OCA2: variants seen among roughly 807,000 people sequenced by gnomAD.
The protein encoded by OCA2 is P protein.
Under a neutral mutation model 100.2 loss-of-function variants are expected in OCA2, and 77 were observed. The ratio of observed to expected loss-of-function variants is 0.77; its 90% CI spans 0.64 to 0.93. The LOEUF (loss-of-function observed/expected upper bound fraction) is 0.93. Ranked by LOEUF, OCA2 falls within the 40% of genes least tolerant of loss-of-function variation. The pLI, the probability that OCA2 is intolerant of heterozygous loss-of-function variation, is 0.00. For synonymous variants in OCA2, 432 were observed against 439.2 expected, an observed-to-expected ratio of 0.98 and a Z score of 0.21; for missense variants, 1,062 against 1,089.1, an observed-to-expected ratio of 0.98 and a Z score of 0.35.
chr15:28,097,030 G>C (rs1205354816), intron 1 of OCA2, among the ~76,000 whole-genome samples: 2 of 152,194 alleles, frequency 1.3e-5, no homozygotes, highest in Non-Finnish European at 2.9e-5. Context: ...TTGGCCCGGC[G>C]CTGTGCCGCT....
intron 19 of OCA2, among the ~76,000 whole-genome samples, chr15:27,903,300 G>A (rs1208052920): frequency 1.3e-5 from 2 of 152,122 alleles, no homozygotes; most frequent in African/African-American, 2.4e-5. Flanking sequence ...CCCCAAGCCC[G>A]CCACGGCGGT....
chr15:28,093,349 G>A (rs1409051599), intron 1 of OCA2, among the ~76,000 whole-genome samples: 2 of 151,772 alleles, frequency 1.3e-5, no homozygotes, highest in Admixed American at 6.6e-5. Context: ...TTGAAACCAG[G>A]AGGTGGAAGT....
At chr15:28,072,739 C>T (rs572515649) in intron 2 of OCA2, among the ~76,000 whole-genome samples, 2 of 152,062 alleles carry the variant, frequency 1.3e-5, no homozygotes, top group African/African-American at 4.8e-5. Context: ...AAATTAAAAC[C>T]ACAATGAGAT....
At chr15:28,087,075 T>C (rs1184354208) in intron 1 of OCA2, among the ~76,000 whole-genome samples, 1 of 152,134 alleles carries the variant, frequency 6.6e-6, no homozygotes, top group African/African-American at 2.4e-5. Context: ...ACCTACAGAT[T>C]TGAGAAGCTG....
chr15:28,071,551 G>A (rs189158121), intron 2 of OCA2, among the ~76,000 whole-genome samples: 68 of 152,270 alleles, frequency 4.5e-4, no homozygotes, highest in Admixed American at 3.9e-3. Context: ...AAACAGCTTG[G>A]TATGGGCACA....
intron 21 of OCA2, among the ~76,000 whole-genome samples, chr15:27,860,456 C>T (rs2036089919): frequency 6.6e-6 from 1 of 152,222 alleles, no homozygotes; most frequent in African/African-American, 2.4e-5. Flanking sequence ...TCATCCCTCA[C>T]TCCTCCCTTC....
chr15:27,818,925 G>A (rs545866262), intron 23 of OCA2, among the ~76,000 whole-genome samples: 1 of 152,140 alleles, frequency 6.6e-6, no homozygotes, highest in African/African-American at 2.4e-5. Context: ...TACTGCATGT[G>A]CAGGTGTCGC....
intron 22 of OCA2, among the ~76,000 whole-genome samples, chr15:27,850,280 G>T (rs2035698839): frequency 6.6e-6 from 1 of 152,162 alleles, no homozygotes; most frequent in African/African-American, 2.4e-5. Flanking sequence ...GGACGTGTCA[G>T]TCTATGCTGT....
At chr15:28,001,673 T>C (rs1003430320) in intron 9 of OCA2, among the ~76,000 whole-genome samples, 4 of 151,930 alleles carry the variant, frequency 2.6e-5, no homozygotes, top group Admixed American at 1.3e-4. Context: ...AACTTCCAAA[T>C]GACTTGGACA....
intron 23 of OCA2, among the ~76,000 whole-genome samples, chr15:27,768,662 A>G (rs1193799574): frequency 6.6e-6 from 1 of 152,196 alleles, no homozygotes; most frequent in Non-Finnish European, 1.5e-5. Flanking sequence ...GGACTCGAAT[A>G]AACTTTATAT....
At chr15:27,858,089 T>C (rs901982351) in intron 21 of OCA2, among the ~76,000 whole-genome samples, 3 of 151,588 alleles carry the variant, frequency 2.0e-5, no homozygotes, top group African/African-American at 7.3e-5. Flanking sequence ...AAGAAATACA[T>C]GGCAGAGTAA....
chr15:27,732,372 C>T, the OCA2 span, among the ~76,000 whole-genome samples: 2 of 152,294 alleles, frequency 1.3e-5, no homozygotes, highest in South Asian at 2.1e-4. Flanking sequence ...AAGAGAGCCC[C>T]TCTGTTGAGA....
At chr15:28,056,611 C>G (rs752162462) in intron 2 of OCA2, among the ~76,000 whole-genome samples, 1 of 152,238 alleles carries the variant, frequency 6.6e-6, no homozygotes, top group South Asian at 2.1e-4. Flanking sequence ...AAAACTGAGT[C>G]GTTAGGAAAG....
At chr15:27,764,937 C>G (rs2031137372) in intron 23 of OCA2, among the ~76,000 whole-genome samples, 1 of 152,174 alleles carries the variant, frequency 6.6e-6, no homozygotes, top group South Asian at 2.1e-4. Flanking sequence ...ATACGTGTAG[C>G]TATTTCTTGA....
the OCA2 span, among the ~76,000 whole-genome samples, chr15:27,748,688 T>G: frequency 6.6e-6 from 1 of 152,208 alleles, no homozygotes; most frequent in African/African-American, 2.4e-5. Flanking sequence ...GACAATCAAC[T>G]GATGCCAACA....
intron 9 of OCA2, among the ~76,000 whole-genome samples, chr15:28,009,721 CACACACAA>C (rs1223145479): frequency 7.1e-4 from 105 of 147,844 alleles, no homozygotes; most frequent in African/African-American, 2.5e-3. Context: ...CACACACACA[CACACACAA>C]AGTCAACAAA....
chr15:27,948,710 C>T (rs1352011671), intron 18 of OCA2, among the ~76,000 whole-genome samples: 4 of 152,184 alleles, frequency 2.6e-5, no homozygotes, highest in African/African-American at 7.2e-5. Flanking sequence ...AAGCAATCCA[C>T]CCTCCTCGGC....
At chr15:27,782,448 G>A (rs1005056473) in intron 23 of OCA2, among the ~76,000 whole-genome samples, 1 of 152,122 alleles carries the variant, frequency 6.6e-6, no homozygotes, top group African/African-American at 2.4e-5. Context: ...TTTTTATTTT[G>A]TTGGCAAAAT....
intron 19 of OCA2, among the ~76,000 whole-genome samples, chr15:27,908,731 T>G (rs1443633527): frequency 1.3e-5 from 2 of 152,168 alleles, no homozygotes; most frequent in African/African-American, 4.8e-5. Flanking sequence ...AACATGTGTG[T>G]GATGTTCCTG....
Sources: gnomAD v4.1 joint callset for allele counts (sites outside exome capture counted in the v4.1 genomes callset) on GRCh38, gnomAD v4.1.1 for gene constraint, MANE v1.5 for transcripts, NCBI Gene and HGNC (gene_info 2026-07-23, HGNC 2026-07-21) for gene names.